The following CDH13 variants were observed in gnomAD, a reference collection of about 807,000 sequenced individuals.
CDH13 encodes the protein cadherin-13.
CDH13 carries 24 observed loss-of-function variants against 63.8 expected under a neutral mutation model. The ratio of observed to expected loss-of-function variants is 0.38; its 90% CI spans 0.27 to 0.53. The LOEUF (loss-of-function observed/expected upper bound fraction) is 0.53. Among genes scored for constraint, CDH13 ranks in the 20% least tolerant of loss-of-function variants. CDH13 has a pLI of 0.85. For synonymous variants in CDH13, 503 were observed against 355.3 expected (o/e 1.42, Z -4.67); for missense variants, 1,049 against 903.1 (o/e 1.16, Z -2.07).
At chr16:82,843,170 C>T (rs1207935158) in intron 1 of CDH13, among the ~76,000 whole-genome samples, 1 of 152,150 alleles carries the variant, frequency 6.6e-6, no homozygotes, top group Non-Finnish European at 1.5e-5. Flanking sequence ...GTCAGTCTTT[C>T]CTATAATGTT....
intron 10 of CDH13, among the ~76,000 whole-genome samples, chr16:83,712,512 T>G (rs942964423): frequency 6.6e-6 from 1 of 152,222 alleles, no homozygotes; most frequent in African/African-American, 2.4e-5. Flanking sequence ...GCAAGAATCA[T>G]CAGGGCATGC....
At chr16:83,555,954 A>T (rs1164372735) in intron 7 of CDH13, among the ~76,000 whole-genome samples, 3 of 152,186 alleles carry the variant, frequency 2.0e-5, no homozygotes, top group Non-Finnish European at 4.4e-5. Context: ...CTCATTAGAG[A>T]TAGACAAAGC....
chr16:83,776,092 A>G (rs921412619), intron 11 of CDH13, among the ~76,000 whole-genome samples: 2 of 152,196 alleles, frequency 1.3e-5, no homozygotes, highest in African/African-American at 2.4e-5. Flanking sequence ...GCCCAAAGTA[A>G]CAAACTCATC....
intron 6 of CDH13, among the ~76,000 whole-genome samples, chr16:83,377,572 A>G (rs1378252850): frequency 6.6e-6 from 1 of 152,194 alleles, no homozygotes; most frequent in Non-Finnish European, 1.5e-5. Flanking sequence ...ATTGGTGGTG[A>G]CAAATTTTCT....
chr16:83,541,049 G>T (rs571010463), intron 7 of CDH13, among the ~76,000 whole-genome samples: 2 of 152,202 alleles, frequency 1.3e-5, no homozygotes, highest in Non-Finnish European at 1.5e-5. Context: ...CTCCTGGTTG[G>T]AGTATTCATG....
intron 4 of CDH13, among the ~76,000 whole-genome samples, chr16:83,176,129 C>T (rs954658679): frequency 1.3e-5 from 2 of 151,380 alleles, no homozygotes; most frequent in African/African-American, 2.4e-5. Context: ...GGATTACAGG[C>T]GTGAGCTACC....
chr16:83,247,520 G>C (rs932683491), intron 5 of CDH13, among the ~76,000 whole-genome samples: 1 of 151,414 alleles, frequency 6.6e-6, no homozygotes, highest in African/African-American at 2.4e-5. Context: ...AACAGTGTCT[G>C]TTAAACATGC....
chr16:83,267,221 A>G (rs987318435), intron 5 of CDH13, among the ~76,000 whole-genome samples: 1 of 152,116 alleles, frequency 6.6e-6, no homozygotes, highest in East Asian at 1.9e-4. Context: ...CATTTCACAA[A>G]ACACAAAGGC....
At chr16:83,630,396 T>C (rs1326551402) in intron 8 of CDH13, among the ~76,000 whole-genome samples, 1 of 152,130 alleles carries the variant, frequency 6.6e-6, no homozygotes, top group Non-Finnish European at 1.5e-5. Context: ...GTGCTCAGGG[T>C]ATAACCTGGT....
At chr16:83,668,165 G>C (rs142474107) in intron 8 of CDH13, among the ~76,000 whole-genome samples, 2 of 152,216 alleles carry the variant, frequency 1.3e-5, no homozygotes, top group East Asian at 1.9e-4. Context: ...TCTTGCTTCT[G>C]TATGGCTTTG....
chr16:83,232,258 C>A (rs1444014532), intron 5 of CDH13, among the ~76,000 whole-genome samples: 1 of 121,434 alleles, frequency 8.2e-6, no homozygotes, highest in African/African-American at 3.1e-5. Flanking sequence ...GGCACGGTGG[C>A]TCATGCCTGT....
At chr16:82,678,760 A>T (rs1914217608) in intron 1 of CDH13, among the ~76,000 whole-genome samples, 1 of 152,236 alleles carries the variant, frequency 6.6e-6, no homozygotes, top group African/African-American at 2.4e-5. Context: ...GATCTGGGCC[A>T]CTTTGTTCCT....
At chr16:82,711,208 T>A (rs529552812) in intron 1 of CDH13, among the ~76,000 whole-genome samples, 1 of 152,134 alleles carries the variant, frequency 6.6e-6, no homozygotes, top group South Asian at 2.1e-4. Context: ...GGACACACAG[T>A]TTTCAAGGAG....
At chr16:83,188,358 G>A (rs2038590202) in intron 4 of CDH13, among the ~76,000 whole-genome samples, 1 of 152,172 alleles carries the variant, frequency 6.6e-6, no homozygotes, top group African/African-American at 2.4e-5. Context: ...GATATAATTT[G>A]AAAAGATTTG....
chr16:82,905,459 G>GTGTGTGTGTGTA (rs2041612796), intron 2 of CDH13, among the ~76,000 whole-genome samples: 1 of 151,524 alleles, frequency 6.6e-6, no homozygotes, highest in African/African-American at 2.4e-5. Flanking sequence ...GTGTGTGTGT[G>GTGTGTGTGTGTA]TGTGTGTGTA....
At chr16:83,619,655 T>G (rs1017776770) in intron 8 of CDH13, among the ~76,000 whole-genome samples, 6 of 152,240 alleles carry the variant, frequency 3.9e-5, no homozygotes, top group African/African-American at 1.4e-4. Context: ...TGCCTCCATC[T>G]ACACCTGGCT....
In CDH13 at chr16:82,667,731, G is replaced by C. The variant is rs554649482; in HGVS notation, c.45+40594G>C. On this transcript the variant is annotated intron_variant, in intron 1 of 13. Transcript: ENST00000567109. ...CAGTCTTGAAAGCGCAGTCACTATG[G>C]AGCCGCCCCCCGCCTCTCCCCTTCT... Among the ~76,000 whole-genome samples the C allele has an allele frequency of 3.3e-5, 5 of 152,080 alleles. No homozygotes were observed. In the South Asian group the frequency reaches 1.0e-3, roughly 32 times the overall value.
intron 1 of CDH13, among the ~76,000 whole-genome samples, chr16:82,779,399 G>C (rs951338441): frequency 6.6e-6 from 1 of 152,156 alleles, no homozygotes; most frequent in African/African-American, 2.4e-5. Context: ...GCAGGTCCAA[G>C]CGTCCACTTA....
At chr16:82,632,367 T>C (rs1349825351) in intron 1 of CDH13, among the ~76,000 whole-genome samples, 1 of 152,208 alleles carries the variant, frequency 6.6e-6, no homozygotes, top group Non-Finnish European at 1.5e-5. Context: ...TTGAATTCCA[T>C]TGATGTGTGC....
Sources: allele counts gnomAD v4.1 joint callset (sites outside exome capture counted in the v4.1 genomes callset), GRCh38; gene constraint gnomAD v4.1.1; transcripts MANE v1.5; gene names NCBI Gene and HGNC (gene_info 2026-07-23, HGNC 2026-07-21).